Variants in MICALL1 observed in about 807,000 individuals in gnomAD.
The protein encoded by MICALL1 is MICAL like 1, also known as MICAL-like protein 1.
In MICALL1, 61 loss-of-function variants were observed where a neutral mutation model predicts 83.7. The observed-to-expected ratio is 0.73, with a 90% CI of 0.59 to 0.90. The LOEUF (loss-of-function observed/expected upper bound fraction) is 0.90, where lower values mean the gene tolerates loss of function less well. Ranked by LOEUF, MICALL1 falls within the 40% of genes least tolerant of loss-of-function variation. The probability of loss-of-function intolerance (pLI) is 0.00; values close to 1 mark genes in which losing one functional copy is unlikely to be tolerated. For missense variants in MICALL1, 1,066 were observed against 1,152.0 expected (o/e 0.93, Z 1.08); for synonymous variants, 481 against 473.6 (o/e 1.02, Z -0.20).
intron 2 of MICALL1, 35 bp downstream of exon 2, chr22:37,912,035 C>CTGTGTA: frequency 1.3e-6 from 2 of 1,586,510 alleles, no homozygotes; most frequent in Non-Finnish European, 1.7e-6. Flanking sequence ...CCAAGAGGCT[C>CTGTGTA]TGTGTATGTG....
chr22:37,936,019 G>C (rs751304952), intron 13 of MICALL1, among the ~76,000 whole-genome samples: 1 of 152,194 alleles, frequency 6.6e-6, no homozygotes, highest in Non-Finnish European at 1.5e-5. Context: ...GTGAGCCACC[G>C]GGCCCGGCCT....
At chr22:37,922,796 GTTTTTTTTT>G (rs574266914) in intron 6 of MICALL1, among the ~76,000 whole-genome samples, 2 of 69,196 alleles carry the variant, frequency 2.9e-5, no homozygotes, top group African/African-American at 1.2e-4. Context: ...GTTTTTTTTT[GTTTTTTTTT>G]TTTTTTTTTT....
At chr22:37,925,247 A>G (rs910484472) in intron 7 of MICALL1, among the ~76,000 whole-genome samples, 3 of 152,134 alleles carry the variant, frequency 2.0e-5, no homozygotes, top group African/African-American at 7.2e-5. Flanking sequence ...GGCACTGAGC[A>G]GGTGCCCCAG....
At position 37,922,472 on chromosome 22, in the gene MICALL1, C is replaced by T. The variant is rs1369814043; in HGVS notation, c.1024+46C>T. 8.6e-6 allele frequency: 12 copies of T among 1,400,608 alleles called. 1 individual carries two copies. In the South Asian group the frequency reaches 1.4e-4, roughly 17 times the overall value. 86.8% of individuals were successfully genotyped at this position (1,400,608 alleles called of 1,614,324 possible). A position where few individuals can be genotyped will look rare whatever the true frequency, so the allele number is the denominator to read the frequency against. On this transcript the variant is annotated intron_variant, in intron 6 of 15. Coordinates refer to ENST00000215957, the MANE Select transcript of MICALL1 (RefSeq NM_033386.4). ...GCAGGGGGCACCGGGTGGCAGTGCA[C>T]TGTCTATTGAAAAGTCTGTGTGTCT...
At position 37,942,229 on chromosome 22, in the gene MICALL1, C is replaced by T. The variant is rs1376047289; in HGVS notation, c.*1399C>T. On this transcript the variant is annotated 3_prime_UTR_variant, in exon 16 of 16. Coordinates refer to ENST00000215957, the MANE Select transcript of MICALL1 (RefSeq NM_033386.4). ...CAGCCCCTGGCAGGCTCCTTCTAAA[C>T]ATGCCTGTTGACCTGGAGCTGGCGC... The T allele has an allele frequency of 1.3e-5, 2 of 152,298 alleles. No homozygotes were observed. The highest frequency in any genetic ancestry group is 2.9e-5 in the Non-Finnish European group (2 of 68,070). 9.4% of individuals were successfully genotyped at this position (152,298 alleles called of 1,614,324 possible).
In MICALL1 at chr22:37,919,057, A is replaced by G; in HGVS notation, c.448A>G (p.Ser150Gly). The change falls in exon 5 of 16, where the codon AGC becomes GGC. Residue 150 changes from serine to glycine, a missense_variant. Ser to Gly is a moderately conservative substitution (Grantham distance 56, BLOSUM62 0). Coordinates refer to ENST00000215957, the MANE Select transcript of MICALL1 (RefSeq NM_033386.4). Reference sequence around the variant, plus strand: ...GCAGGGCGAGGAGCTCTCCTCAGGCAGCCTGTCAGAGCAGGGCACCGGCCA... The same window carrying G: ...GCAGGGCGAGGAGCTCTCCTCAGGCGGCCTGTCAGAGCAGGGCACCGGCCA... ...VAQGEELSSG[S>G]LSEQGTGQTP... 6.4e-7 allele frequency: 1 copy of G among 1,551,762 alleles called. No individual in the cohort carries two copies. The highest frequency in any genetic ancestry group is 1.2e-5 in the South Asian group (1 of 84,146).
Position 37,933,083 on chromosome 22 carries a change from A to G in MICALL1, c.2279A>G (p.Tyr760Cys). The part of the protein sequence containing the change: ...NLEQRQADVE[Y>C]ELRCLLNKPE... ...GAGCAGCGCCAGGCTGATGTCGAGTATGAGCTCCGGTGCCTCCTCAATAAG... is the reference window on the plus strand; with the variant it reads ...GAGCAGCGCCAGGCTGATGTCGAGTGTGAGCTCCGGTGCCTCCTCAATAAG... The change falls in exon 13 of 16, where the codon TAT becomes TGT. Residue 760 changes from tyrosine to cysteine, a missense_variant. By Grantham distance (194) the Tyr-to-Cys change is radical. Transcript: ENST00000215957. 1 of 1,613,952 alleles carries G rather than the reference A, an allele frequency of 6.2e-7. No homozygotes were observed. The highest frequency in any genetic ancestry group is 8.5e-7 in the Non-Finnish European group (1 of 1,179,982).
intron 6 of MICALL1, among the ~76,000 whole-genome samples, chr22:37,923,083 C>G (rs962454424): frequency 1.3e-5 from 2 of 150,966 alleles, no homozygotes; most frequent in African/African-American, 2.4e-5. Context: ...TTACAGGCTA[C>G]CACAGCCTGG....
intron 1 of MICALL1, chr22:37,907,474 A>T (rs1251998382): frequency 6.6e-6 from 1 of 152,298 alleles, no homozygotes; most frequent in East Asian, 1.9e-4. Flanking sequence ...TTCCTAAAAC[A>T]CTGGGTGAGT....
Position 37,940,901 on chromosome 22 carries a change from G to A in MICALL1, c.*71G>A. 1 of 1,590,378 alleles carries A rather than the reference G, an allele frequency of 6.3e-7. No individual in the cohort carries two copies. Among genetic ancestry groups the A allele is most frequent in the Non-Finnish European group, 8.6e-7 (1 of 1,166,022 alleles). On this transcript the variant is annotated 3_prime_UTR_variant, in exon 16 of 16. Coordinates refer to ENST00000215957, the MANE Select transcript of MICALL1 (RefSeq NM_033386.4). Reference sequence around the variant, plus strand: ...CTGGGCTGTGCTCTGTTTGAAGGGGGCGCCCTGCTCCCCTCAGATCAGTCA... The same window carrying A: ...CTGGGCTGTGCTCTGTTTGAAGGGGACGCCCTGCTCCCCTCAGATCAGTCA...
Position 37,932,895 on chromosome 22 carries a change from C to A in MICALL1, c.2234+7C>A, listed in dbSNP as rs773104799. On this transcript the variant is annotated splice_region_variant and intron_variant, in intron 12 of 15. Coordinates refer to ENST00000215957, the MANE Select transcript of MICALL1 (RefSeq NM_033386.4). The surrounding 1 kb of genome is among the most constrained non-coding windows in gnomAD (Gnocchi z 4.4). ...AGTCCGAGCTCATCTATGTGTGAGTCCCCCCGCCTGGGGCATCCCTCCCTG... is the reference window on the plus strand; with the variant it reads ...AGTCCGAGCTCATCTATGTGTGAGTACCCCCGCCTGGGGCATCCCTCCCTG... 3.5e-5 allele frequency: 57 copies of A among 1,613,858 alleles called. No individual in the cohort carries two copies. In the Middle Eastern group the frequency reaches 6.6e-4, roughly 19 times the overall value.
intron 5 of MICALL1, among the ~76,000 whole-genome samples, chr22:37,919,923 G>A (rs1928919615): frequency 6.6e-6 from 1 of 152,052 alleles, no homozygotes; most frequent in Non-Finnish European, 1.5e-5. Context: ...GGAGGTGGAG[G>A]TTGCAGTGAG....
At position 37,925,844 on chromosome 22, in the gene MICALL1, AC is replaced by A; in HGVS notation, c.1269del (p.Tyr424IlefsTer143). 6.2e-7 allele frequency: 1 copy of A among 1,613,776 alleles called. No individual in the cohort carries two copies. Reference protein sequence around the residue: ...PSPTASLESKPYNPFEEEEED... With the variant: ...PSPTASLESKXYNPFEEEEED... ...GCCCAACGGCCAGCCTGGAGTCCAA[AC>A]CCTATAACCCCTTTGAGGAGGAGGA... On this transcript the variant is annotated frameshift_variant, in exon 8 of 16. Coordinates refer to ENST00000215957, the MANE Select transcript of MICALL1 (RefSeq NM_033386.4). LOFTEE classifies it high-confidence loss of function.
intron 1 of MICALL1, among the ~76,000 whole-genome samples, chr22:37,907,751 G>T (rs564281062): frequency 6.6e-6 from 1 of 152,338 alleles, no homozygotes; most frequent in African/African-American, 2.4e-5. Flanking sequence ...GTGGGTGGTG[G>T]CTTGGGCCCT....
chr22:37,919,141 C>T lies in MICALL1; in HGVS notation c.532C>T (p.Leu178=). 6.5e-7 allele frequency: 1 copy of T among 1,549,700 alleles called. No homozygotes were observed. The highest frequency in any genetic ancestry group is 8.7e-7 in the Non-Finnish European group (1 of 1,146,122). The stretch of plus-strand genomic sequence containing the variant: ...GCATGTGCACTTGGTGCAGCGCTAC[C>T]TGGCTGACGGCAGGCTGTACCATCG... ...QQHVHLVQRY[L]ADGRLYHRHC... Residue 178 remains leucine, a synonymous_variant, in exon 5 of 16, where the codon CTG becomes TTG. Transcript: ENST00000215957.
intron 3 of MICALL1, 95 bp downstream of exon 3, chr22:37,912,587 G>A: frequency 8.1e-7 from 1 of 1,228,298 alleles, no homozygotes; most frequent in Non-Finnish European, 1.1e-6. Flanking sequence ...TTGTAAACAG[G>A]CTGCTGAGGA....
intron 15 of MICALL1, among the ~76,000 whole-genome samples, chr22:37,940,477 A>T (rs1930376140): frequency 6.6e-6 from 1 of 151,878 alleles, no homozygotes; most frequent in African/African-American, 2.4e-5. Context: ...GACCATCTTG[A>T]TCTTTCCCCA....
In MICALL1 at chr22:37,942,748, A is replaced by T. The variant is rs1258246432; in HGVS notation, c.*1918A>T. ...GATCTCCTGACCTTGTGATCCACCC[A>T]CCTTGGCCTCCCAAAGTGCTGGGAT... is the stretch of plus-strand genomic sequence containing the variant. On this transcript the variant is annotated 3_prime_UTR_variant, in exon 16 of 16. Transcript: ENST00000215957. 1 of 152,092 alleles carries T rather than the reference A, an allele frequency of 6.6e-6. No homozygotes were observed. Among genetic ancestry groups the T allele is most frequent in the Admixed American group, 6.5e-5 (1 of 15,274 alleles). The allele number at this position is 152,092 out of a possible 1,614,324, so 9.4% of individuals were successfully genotyped here. A position where few individuals can be genotyped will look rare whatever the true frequency, so the allele number is the denominator to read the frequency against.
chr22:37,914,235 T>C lies in MICALL1; in HGVS notation c.337+1743T>C, dbSNP rs1295576124. ...GAGGTTTCTTTTCTTTTCTTTCTTT[T>C]TTTTTTTTGAAATGGAGTTTCACTC... On this transcript the variant is annotated intron_variant, in intron 3 of 15. Transcript: ENST00000215957. Among the ~76,000 whole-genome samples the C allele has an allele frequency of 2.7e-5, 4 of 149,468 alleles. 1 individual carries two copies. Among genetic ancestry groups the C allele is most frequent in the Non-Finnish European group, 5.9e-5 (4 of 67,486 alleles).
Sources: allele counts gnomAD v4.1 joint callset (sites outside exome capture counted in the v4.1 genomes callset), GRCh38; gene constraint gnomAD v4.1.1; non-coding constraint Gnocchi (gnomAD v3.1); transcripts MANE v1.5; gene names NCBI Gene and HGNC (gene_info 2026-07-23, HGNC 2026-07-21).